ROBO2: variants seen among roughly 807,000 people sequenced by gnomAD.
ROBO2 encodes roundabout homolog 2.
In ROBO2, 53 loss-of-function variants were observed where a neutral mutation model predicts 160.8. The ratio of observed to expected loss-of-function variants is 0.33; its 90% confidence interval spans 0.26 to 0.41. The LOEUF (loss-of-function observed/expected upper bound fraction) is 0.41. ROBO2 is among the 10% of genes least tolerant of loss of function. The pLI, the probability that ROBO2 is intolerant of heterozygous loss-of-function variation, is 1.00. For synonymous variants in ROBO2, 664 were observed against 611.7 expected (o/e 1.09, Z -1.26); for missense variants, 1,577 against 1,722.4 (o/e 0.92, Z 1.49).
upstream of ROBO2, among the ~76,000 whole-genome samples, chr3:77,036,139 T>C (rs62249950): frequency 0.15 from 23,478 of 151,910 alleles, 2,081 homozygotes; most frequent in Admixed American, 0.25. Context: ...TAAAGCAAGA[T>C]TGTGCCTTTC....
intron 2 of ROBO2, among the ~76,000 whole-genome samples, chr3:77,287,770 T>G: frequency 6.6e-6 from 1 of 152,182 alleles, no homozygotes; most frequent in East Asian, 1.9e-4. Context: ...TTTTTTCTTT[T>G]GCAGATTGTA....
intron 2 of ROBO2, among the ~76,000 whole-genome samples, chr3:77,245,790 C>A (rs574093676): frequency 2.6e-4 from 40 of 152,222 alleles, no homozygotes; most frequent in African/African-American, 8.4e-4. Context: ...TACAATGGAA[C>A]CATCATATTT....
chr3:77,329,983 A>C (rs973034050), intron 2 of ROBO2, among the ~76,000 whole-genome samples: 1 of 152,216 alleles, frequency 6.6e-6, no homozygotes, highest in Admixed American at 6.5e-5. Context: ...AAAAAACATG[A>C]ACTTCACCAT....
chr3:76,028,755 G>A (rs2066824398), intron 2 of ROBO2, among the ~76,000 whole-genome samples: 1 of 151,936 alleles, frequency 6.6e-6, no homozygotes, highest in Non-Finnish European at 1.5e-5. Flanking sequence ...TCAAAACCAT[G>A]AAGTCTCTTA....
At chr3:77,073,449 G>C (rs1367118261) in intron 1 of ROBO2, among the ~76,000 whole-genome samples, 1 of 152,180 alleles carries the variant, frequency 6.6e-6, no homozygotes, top group Non-Finnish European at 1.5e-5. Flanking sequence ...CTGTACAAAA[G>C]AGGGGAAAAG....
intron 2 of ROBO2, among the ~76,000 whole-genome samples, chr3:76,749,976 C>T (rs181017002): frequency 2.6e-5 from 4 of 152,196 alleles, no homozygotes; most frequent in Admixed American, 2.0e-4. Flanking sequence ...ATACCAAAGC[C>T]GGGCAGAGAC....
chr3:77,461,232 ATAAC>A (rs1416308095), intron 2 of ROBO2, among the ~76,000 whole-genome samples: 2 of 152,174 alleles, frequency 1.3e-5, no homozygotes, highest in African/African-American at 4.8e-5. Context: ...AGTTCTAAAA[ATAAC>A]TAAATGATAA....
chr3:77,440,059 G>A (rs1482801712), intron 2 of ROBO2, among the ~76,000 whole-genome samples: 1 of 152,180 alleles, frequency 6.6e-6, no homozygotes, highest in Non-Finnish European at 1.5e-5. Context: ...TATATGCTCA[G>A]TGTGAGAAAC....
chr3:77,453,923 G>C, intron 2 of ROBO2, among the ~76,000 whole-genome samples: 1 of 152,080 alleles, frequency 6.6e-6, no homozygotes, highest in South Asian at 2.1e-4. Context: ...TTAGAAGATT[G>C]AAACATTTCT....
At chr3:75,978,102 A>C (rs1489847301) in intron 2 of ROBO2, among the ~76,000 whole-genome samples, 1 of 151,598 alleles carries the variant, frequency 6.6e-6, no homozygotes, top group African/African-American at 2.4e-5. Flanking sequence ...CAGCGATAGT[A>C]GTTTTCAGTA....
At chr3:76,167,016 C>G (rs2072864000) in intron 2 of ROBO2, among the ~76,000 whole-genome samples, 1 of 152,134 alleles carries the variant, frequency 6.6e-6, no homozygotes, top group African/African-American at 2.4e-5. Context: ...GTGATCTTGG[C>G]TCACTGGTCT....
chr3:75,952,726 C>A (rs1355603275), intron 2 of ROBO2, among the ~76,000 whole-genome samples: 2 of 151,908 alleles, frequency 1.3e-5, no homozygotes, highest in Non-Finnish European at 2.9e-5. Context: ...ACAAATAATC[C>A]TCACTACAGT....
chr3:75,995,255 G>T (rs1003657558), intron 2 of ROBO2, among the ~76,000 whole-genome samples: 1 of 152,024 alleles, frequency 6.6e-6, no homozygotes, highest in Admixed American at 6.5e-5. Flanking sequence ...AGTCTAGAAG[G>T]AAAAAATGGT....
chr3:76,638,911 G>T (rs1022531586), intron 2 of ROBO2, among the ~76,000 whole-genome samples: 21 of 152,054 alleles, frequency 1.4e-4, no homozygotes, highest in African/African-American at 5.1e-4. Context: ...CAGTTTTAGC[G>T]CTCACAGTCA....
At chr3:76,268,906 G>T (rs1025861438) in intron 2 of ROBO2, among the ~76,000 whole-genome samples, 3 of 152,038 alleles carry the variant, frequency 2.0e-5, no homozygotes, top group Non-Finnish European at 4.4e-5. Context: ...CCTATACTTA[G>T]ACTCTTACTC....
At chr3:76,305,221 C>T (rs1249858839) in intron 2 of ROBO2, among the ~76,000 whole-genome samples, 1 of 151,200 alleles carries the variant, frequency 6.6e-6, no homozygotes, top group Admixed American at 6.6e-5. Flanking sequence ...AGATTCCTGT[C>T]TCTACAAAAA....
chr3:77,545,946 T>C (rs1354724727), intron 6 of ROBO2, among the ~76,000 whole-genome samples: 1 of 152,114 alleles, frequency 6.6e-6, no homozygotes, highest in Non-Finnish European at 1.5e-5. Context: ...TATAAATAAA[T>C]TGACTTTAGA....
intron 2 of ROBO2, among the ~76,000 whole-genome samples, chr3:76,897,544 A>G (rs1397269242): frequency 1.3e-5 from 2 of 152,118 alleles, no homozygotes; most frequent in East Asian, 3.9e-4. Flanking sequence ...ACCAACCTAC[A>G]TGACATGATT....
At chr3:77,396,362 T>G (rs1015374195) in intron 2 of ROBO2, among the ~76,000 whole-genome samples, 1 of 152,144 alleles carries the variant, frequency 6.6e-6, no homozygotes, top group African/African-American at 2.4e-5. Flanking sequence ...TTGTTTCTCT[T>G]TGAAATAATC....
Sources: gnomAD v4.1 joint callset for allele counts (sites outside exome capture counted in the v4.1 genomes callset) on GRCh38, gnomAD v4.1.1 for gene constraint, MANE v1.5 for transcripts, NCBI Gene and HGNC (gene_info 2026-07-23, HGNC 2026-07-21) for gene names.